Variants in MAP4K3 observed in about 807,000 individuals in gnomAD.
The protein encoded by MAP4K3 is MAPK/ERK kinase kinase kinase 3.
Under a neutral mutation model 143.5 loss-of-function variants are expected in MAP4K3, and 94 were observed. That is an observed-to-expected ratio of 0.65 (90% confidence interval 0.55 to 0.78). MAP4K3 has a LOEUF of 0.78. MAP4K3 is among the 30% of genes least tolerant of loss of function. MAP4K3 has a pLI of 0.00. For synonymous variants in MAP4K3, 416 were observed against 347.2 expected, an observed-to-expected ratio of 1.20 and a Z score of -2.20; for missense variants, 1,077 against 1,068.1, an observed-to-expected ratio of 1.01 and a Z score of -0.12.
At chr2:39,331,709 A>G (rs747989153) in intron 8 of MAP4K3, among the ~76,000 whole-genome samples, 2 of 152,102 alleles carry the variant, frequency 1.3e-5, no homozygotes, top group Non-Finnish European at 2.9e-5. Flanking sequence ...TCAATCATTA[A>G]AGCCTTTTCT....
chr2:39,336,674 A>G (rs1293086779), intron 6 of MAP4K3, among the ~76,000 whole-genome samples: 1 of 152,080 alleles, frequency 6.6e-6, no homozygotes. Flanking sequence ...ACTACAAAGA[A>G]GCTAAAATGA....
rs1273486555 is a variant in MAP4K3 at position 39,390,084 on chromosome 2, G to A, written c.97-11961C>T. Reference sequence around the variant, plus strand: ...ATCAACATCTAAAATAATGAAAGTAGTATATAACAGTGATTCTTAATTGAG... The same window carrying A: ...ATCAACATCTAAAATAATGAAAGTAATATATAACAGTGATTCTTAATTGAG... On this transcript the variant is annotated intron_variant, in intron 1 of 33. Transcript: ENST00000263881. Among the ~76,000 whole-genome samples, 5 of 152,094 alleles carry A rather than the reference G, an allele frequency of 3.3e-5. No homozygotes were observed. In the South Asian group the frequency reaches 8.3e-4, roughly 25 times the overall value.
intron 1 of MAP4K3, among the ~76,000 whole-genome samples, chr2:39,428,224 T>C (rs927560607): frequency 6.6e-6 from 1 of 152,222 alleles, no homozygotes; most frequent in Admixed American, 6.5e-5. Context: ...CTTTAGGATC[T>C]CCTAAACAAC....
At chr2:39,408,857 G>A (rs1020371833) in intron 1 of MAP4K3, among the ~76,000 whole-genome samples, 1 of 152,184 alleles carries the variant, frequency 6.6e-6, no homozygotes, top group Non-Finnish European at 1.5e-5. Flanking sequence ...TGGCAAATGG[G>A]TTTGATTCTC....
intron 1 of MAP4K3, among the ~76,000 whole-genome samples, chr2:39,383,963 G>A (rs1216369092): frequency 6.6e-6 from 1 of 151,898 alleles, no homozygotes; most frequent in East Asian, 1.9e-4. Flanking sequence ...AAATTAGCTG[G>A]GCTTGGTCTT....
chr2:39,435,083 T>C (rs1665412445), intron 1 of MAP4K3, among the ~76,000 whole-genome samples: 1 of 152,196 alleles, frequency 6.6e-6, no homozygotes, highest in Admixed American at 6.5e-5. Context: ...GAGTTTTAGT[T>C]AACTTTTCAT....
intron 1 of MAP4K3, among the ~76,000 whole-genome samples, chr2:39,380,358 A>G (rs572066589): frequency 4.7e-4 from 72 of 152,286 alleles, no homozygotes; most frequent in Middle Eastern, 3.4e-3. Flanking sequence ...TCTGCCTAAA[A>G]TAAGTCATAT....
intron 1 of MAP4K3, among the ~76,000 whole-genome samples, chr2:39,415,805 T>C (rs1318125055): frequency 6.7e-6 from 1 of 149,596 alleles, no homozygotes; most frequent in South Asian, 2.1e-4. Context: ...TACAAAATAT[T>C]AGCCAGGCAT....
chr2:39,250,701 C>T lies in MAP4K3; in HGVS notation c.2602G>A (p.Val868Met), dbSNP rs1427236738. The change falls in exon 34 of 34, where the codon GTG becomes ATG. Residue 868 changes from valine to methionine, a missense_variant. Transcript: ENST00000263881. ...IFRLLGSDRVVVLESRPTDNP... is the reference protein window; with the variant it reads ...IFRLLGSDRVMVLESRPTDNP... Reference sequence around the variant, plus strand: ...TCAGTTGGCCTACTTTCCAAAACCACGACCCTGAAAGTAATAAAAAACATA... The same window carrying T: ...TCAGTTGGCCTACTTTCCAAAACCATGACCCTGAAAGTAATAAAAAACATA... 13 of 1,612,848 alleles carry T rather than the reference C, an allele frequency of 8.1e-6. No individual in the cohort carries two copies. The highest frequency in any genetic ancestry group is 1.1e-5 in the South Asian group (1 of 90,970).
In MAP4K3 at chr2:39,300,370, T is replaced by C. The variant is rs530091514; in HGVS notation, c.1120-569A>G. Among the ~76,000 whole-genome samples, 5 of 152,354 alleles carry C rather than the reference T, an allele frequency of 3.3e-5. No individual in the cohort carries two copies. The East Asian group carries it at 9.6e-4, about 29-fold the overall frequency. On this transcript the variant is annotated intron_variant, in intron 15 of 33. Coordinates refer to ENST00000263881, the MANE Select transcript of MAP4K3 (RefSeq NM_003618.4). ...ATAATTTTTTAAGCAAAACTTCAAA[T>C]GAGTATTAAGGCAGTTCCTCAACTG...
chr2:39,290,979 T>A (rs1682019974), intron 18 of MAP4K3, among the ~76,000 whole-genome samples: 1 of 152,050 alleles, frequency 6.6e-6, no homozygotes, highest in Non-Finnish European at 1.5e-5. Flanking sequence ...GAGAATGGCA[T>A]GAACCTGGGA....
chr2:39,276,385 G>A (rs893074211), intron 24 of MAP4K3, among the ~76,000 whole-genome samples: 4 of 152,084 alleles, frequency 2.6e-5, no homozygotes, highest in South Asian at 2.1e-4. Flanking sequence ...ATGTTGAAAC[G>A]GTCATTCAAT....
intron 1 of MAP4K3, among the ~76,000 whole-genome samples, chr2:39,396,385 G>C (rs1328045678): frequency 6.6e-6 from 1 of 151,550 alleles, no homozygotes; most frequent in Admixed American, 6.6e-5. Context: ...AGTCCACTTA[G>C]GTAAAATAAG....
intron 1 of MAP4K3, among the ~76,000 whole-genome samples, chr2:39,386,319 A>T (rs1418054456): frequency 6.6e-6 from 1 of 152,240 alleles, no homozygotes. Context: ...ATGAGAAAAT[A>T]AATTTCTACT....
At chr2:39,388,772 A>G (rs72929184) in intron 1 of MAP4K3, among the ~76,000 whole-genome samples, 10,551 of 152,266 alleles carry the variant, frequency 0.069, 1,234 homozygotes, top group African/African-American at 0.24. Flanking sequence ...AGGAGCCTCA[A>G]GTCAAGAAAT....
At chr2:39,251,297 T>C (rs1019098821) in intron 33 of MAP4K3, among the ~76,000 whole-genome samples, 2 of 152,194 alleles carry the variant, frequency 1.3e-5, no homozygotes, top group Non-Finnish European at 2.9e-5. Flanking sequence ...AGGTTGGTTT[T>C]AGGACAACAT....
At chr2:39,304,017 T>G (rs1361940685) in intron 15 of MAP4K3, among the ~76,000 whole-genome samples, 1 of 152,224 alleles carries the variant, frequency 6.6e-6, no homozygotes, top group Non-Finnish European at 1.5e-5. Context: ...TTTTTATGGT[T>G]ATGGGCAAAA....
chr2:39,411,022 G>A (rs545889047), intron 1 of MAP4K3, among the ~76,000 whole-genome samples: 1 of 152,174 alleles, frequency 6.6e-6, no homozygotes, highest in Admixed American at 6.5e-5. Context: ...TACTTAAGCT[G>A]GAGATAAATG....
At position 39,272,338 on chromosome 2, in the gene MAP4K3, G is replaced by A. The variant is rs891803178; in HGVS notation, c.1918C>T (p.Gln640Ter). Residue 640 changes from glutamine (Q) to a stop codon, truncating the protein, a stop_gained, in exon 26 of 34, where the codon CAA becomes TAA. Coordinates refer to ENST00000263881, the MANE Select transcript of MAP4K3 (RefSeq NM_003618.4). LOFTEE classifies it high-confidence loss of function. ...PGLFDYARQM[Q>*]KLPVAIPAHK... Reference sequence around the variant, plus strand: ...GCTGGAATAGCAACAGGTAACTTTTGCATTTGTCTTGCATAATCAAAAAGC... The same window carrying A: ...GCTGGAATAGCAACAGGTAACTTTTACATTTGTCTTGCATAATCAAAAAGC... 2.5e-6 allele frequency: 4 copies of A among 1,613,762 alleles called. No individual in the cohort carries two copies. The highest frequency in any genetic ancestry group is 3.4e-6 in the Non-Finnish European group (4 of 1,179,846).
Sources: allele counts gnomAD v4.1 joint callset (sites outside exome capture counted in the v4.1 genomes callset), GRCh38; gene constraint gnomAD v4.1.1; transcripts MANE v1.5; gene names NCBI Gene and HGNC (gene_info 2026-07-23, HGNC 2026-07-21).